NXPH1: variants seen among roughly 807,000 people sequenced by gnomAD.
NXPH1 encodes the protein neurexophilin-1.
A neutral mutation model predicts 23.7 loss-of-function variants in NXPH1; 5 were observed. The observed-to-expected ratio is 0.21, with a 90% CI of 0.11 to 0.44. The LOEUF (loss-of-function observed/expected upper bound fraction) is 0.44. Ranked by LOEUF, NXPH1 falls within the 20% of genes least tolerant of loss-of-function variation. The pLI is 0.99. For missense variants in NXPH1, 324 were observed against 321.6 expected (o/e 1.01, Z -0.06); for synonymous variants, 144 against 122.2 (o/e 1.18, Z -1.18).
At chr7:8,665,713 G>T (rs1015645539) in intron 2 of NXPH1, among the ~76,000 whole-genome samples, 4 of 151,728 alleles carry the variant, frequency 2.6e-5, no homozygotes, top group Non-Finnish European at 4.4e-5. Flanking sequence ...AGTTTTCAGT[G>T]CACAGATCTT....
chr7:8,457,745 C>T (rs1240174565), intron 2 of NXPH1, among the ~76,000 whole-genome samples: 3 of 152,024 alleles, frequency 2.0e-5, no homozygotes, highest in Non-Finnish European at 4.4e-5. Flanking sequence ...CCTTGCTTCT[C>T]AGCCTTCTGG....
rs138545503 is a variant in NXPH1, at chr7:8,752,404, T to C, written c.*635T>C. The C allele has an allele frequency of 1.3e-4, 20 of 152,744 alleles. No homozygotes were observed. Among genetic ancestry groups the C allele is most frequent in the African/African-American group, 4.6e-4 (19 of 41,558 alleles). The allele number at this position is 152,744 out of a possible 1,614,324, so 9.5% of individuals were successfully genotyped here. A position where few individuals can be genotyped will look rare whatever the true frequency, so the allele number is the denominator to read the frequency against. On this transcript the variant is annotated 3_prime_UTR_variant, in exon 3 of 3. Coordinates refer to ENST00000405863, the MANE Select transcript of NXPH1 (RefSeq NM_152745.3). ...ATTCAAAGTGGTCCAAGATGGCTCT[T>C]TTTTCTTTGAAAGGGGCCTGTTCTC... is the stretch of plus-strand genomic sequence containing the variant.
chr7:8,547,565 A>T (rs1248896220), intron 2 of NXPH1, among the ~76,000 whole-genome samples: 1 of 151,264 alleles, frequency 6.6e-6, no homozygotes, highest in Non-Finnish European at 1.5e-5. Flanking sequence ...ACCGAAGGGG[A>T]TTAGTCTTCT....
At chr7:8,496,109 C>A (rs995433556) in intron 2 of NXPH1, among the ~76,000 whole-genome samples, 4 of 152,046 alleles carry the variant, frequency 2.6e-5, no homozygotes, top group African/African-American at 9.7e-5. Context: ...ATTCTCCAAA[C>A]AGCACACTAA....
At chr7:8,609,779 T>C (rs1819576587) in intron 2 of NXPH1, among the ~76,000 whole-genome samples, 1 of 152,200 alleles carries the variant, frequency 6.6e-6, no homozygotes. Context: ...TTTTTGTCTA[T>C]TAATTTTAAC....
At chr7:8,602,105 T>C (rs568387744) in intron 2 of NXPH1, among the ~76,000 whole-genome samples, 1 of 152,240 alleles carries the variant, frequency 6.6e-6, no homozygotes, top group African/African-American at 2.4e-5. Context: ...ACACCAGTCA[T>C]GTTCATTGTA....
intron 2 of NXPH1, among the ~76,000 whole-genome samples, chr7:8,739,171 TAAAAAAAAAA>T (rs34593997): frequency 0.023 from 1,232 of 54,158 alleles, 24 homozygotes; most frequent in Non-Finnish European, 0.033. Flanking sequence ...ACCAGTGGGG[TAAAAAAAAAA>T]AAAAAAAAAA....
At chr7:8,595,348 A>G (rs566185980) in intron 2 of NXPH1, among the ~76,000 whole-genome samples, 19 of 152,182 alleles carry the variant, frequency 1.2e-4, no homozygotes, top group African/African-American at 4.6e-4. Flanking sequence ...TTAAAATATC[A>G]TTGGATGTAG....
At chr7:8,589,788 A>C (rs917406871) in intron 2 of NXPH1, among the ~76,000 whole-genome samples, 1 of 152,096 alleles carries the variant, frequency 6.6e-6, no homozygotes, top group Admixed American at 6.6e-5. Flanking sequence ...TTGTAGCTGC[A>C]CCATCCAATA....
intron 2 of NXPH1, among the ~76,000 whole-genome samples, chr7:8,601,539 C>A (rs189091399): frequency 5.7e-4 from 87 of 152,242 alleles, no homozygotes; most frequent in Admixed American, 2.9e-3. Context: ...CATGTGAAGA[C>A]CAAGGTATAT....
chr7:8,732,566 C>T (rs898014941), intron 2 of NXPH1, among the ~76,000 whole-genome samples: 9 of 152,090 alleles, frequency 5.9e-5, no homozygotes, highest in South Asian at 2.1e-4. Context: ...AAAATGAAAT[C>T]GTTTTATGGG....
chr7:8,666,131 T>C (rs1306660036), intron 2 of NXPH1, among the ~76,000 whole-genome samples: 2 of 151,996 alleles, frequency 1.3e-5, no homozygotes, highest in African/African-American at 2.4e-5. Flanking sequence ...TTCTTGATCA[T>C]AGATAAAAGC....
At chr7:8,683,680 A>G (rs1821095260) in intron 2 of NXPH1, among the ~76,000 whole-genome samples, 1 of 152,178 alleles carries the variant, frequency 6.6e-6, no homozygotes, top group African/African-American at 2.4e-5. Context: ...TTGGCACAAA[A>G]GTAATTGCAT....
At chr7:8,621,001 A>G (rs1369496371) in intron 2 of NXPH1, among the ~76,000 whole-genome samples, 1 of 152,230 alleles carries the variant, frequency 6.6e-6, no homozygotes, top group Non-Finnish European at 1.5e-5. Flanking sequence ...GCCTATATTA[A>G]TTCATCAAAT....
chr7:8,512,253 G>A (rs1817623974), intron 2 of NXPH1, among the ~76,000 whole-genome samples: 2 of 152,118 alleles, frequency 1.3e-5, no homozygotes, highest in African/African-American at 4.8e-5. Flanking sequence ...TTATTTCAGT[G>A]GTTGGAAGGG....
intron 2 of NXPH1, among the ~76,000 whole-genome samples, chr7:8,657,953 G>A (rs1380328055): frequency 6.6e-6 from 1 of 152,180 alleles, no homozygotes; most frequent in Non-Finnish European, 1.5e-5. Context: ...GCTTGAACTC[G>A]GGAGGCGGAA....
chr7:8,489,796 C>T (rs1817218909), intron 2 of NXPH1, among the ~76,000 whole-genome samples: 1 of 152,086 alleles, frequency 6.6e-6, no homozygotes, highest in South Asian at 2.1e-4. Flanking sequence ...TTAACCTCCA[C>T]CAACAAATTC....
chr7:8,713,154 C>G (rs1314882000), intron 2 of NXPH1, among the ~76,000 whole-genome samples: 1 of 151,976 alleles, frequency 6.6e-6, no homozygotes, highest in Non-Finnish European at 1.5e-5. Context: ...TTTGTCTCCT[C>G]TGACTGTATA....
chr7:8,543,999 G>T (rs1053504558), intron 2 of NXPH1, among the ~76,000 whole-genome samples: 1 of 151,444 alleles, frequency 6.6e-6, no homozygotes, highest in Non-Finnish European at 1.5e-5. Flanking sequence ...TGACTTAACC[G>T]AGTTCATACA....
Sources: gnomAD v4.1 joint callset for allele counts (sites outside exome capture counted in the v4.1 genomes callset) on GRCh38, gnomAD v4.1.1 for gene constraint, MANE v1.5 for transcripts, NCBI Gene and HGNC (gene_info 2026-07-23, HGNC 2026-07-21) for gene names.